C9orf40: variants seen among roughly 807,000 people sequenced by gnomAD.
C9orf40 encodes the protein chromosome 9 open reading frame 40, also known as uncharacterized protein C9orf40.
A neutral mutation model predicts 7.9 loss-of-function variants in C9orf40; 2 were observed. That is an observed-to-expected ratio of 0.25 (90% CI 0.10 to 0.80). The LOEUF (loss-of-function observed/expected upper bound fraction) is 0.80. Among genes scored for constraint, C9orf40 ranks in the 30% least tolerant of loss-of-function variants. The probability of loss-of-function intolerance (pLI) is 0.68; values close to 1 mark genes in which losing one functional copy is unlikely to be tolerated. For missense variants in C9orf40, 256 were observed against 268.5 expected (o/e 0.95, Z 0.33); for synonymous variants, 113 against 117.6 (o/e 0.96, Z 0.25).
intron 1 of C9orf40, among the ~76,000 whole-genome samples, chr9:74,951,985 C>T (rs559544051): frequency 6.6e-6 from 1 of 152,344 alleles, no homozygotes; most frequent in African/African-American, 2.4e-5. Flanking sequence ...TCCCCCTCGC[C>T]CAGCCCAGTG....
chr9:74,948,645 G>C (rs1240852888), intron 1 of C9orf40, among the ~76,000 whole-genome samples: 1 of 152,054 alleles, frequency 6.6e-6, no homozygotes, highest in Non-Finnish European at 1.5e-5. Flanking sequence ...CTTTACATAG[G>C]CCAAAATATT....
Position 74,952,782 on chromosome 9 carries a change from G to A in C9orf40, c.-171C>T. 1.8e-6 allele frequency: 1 copy of A among 560,718 alleles called. No homozygotes were observed. Among genetic ancestry groups the A allele is most frequent in the Non-Finnish European group, 3.0e-6 (1 of 334,384 alleles). The allele number at this position is 560,718 out of a possible 1,614,324, so 34.7% of individuals were successfully genotyped here. A position where few individuals can be genotyped will look rare whatever the true frequency, so the allele number is the denominator to read the frequency against. ...CGGGGCAGCTCGCGCAGGGCCTAGG[G>A]CTGGGGCTCCGGCTCGGAGGCAGCT... On this transcript the variant is annotated 5_prime_UTR_variant, in exon 1 of 2. Transcript: ENST00000376854. This position sits in a 1 kb window ranked among gnomAD's most constrained non-coding sequence, Gnocchi z 5.4.
Position 74,952,066 on chromosome 9 carries a change from C to T in C9orf40, c.426+120G>A. The T allele has an allele frequency of 2.5e-6, 1 of 403,014 alleles. No homozygotes were observed. Among genetic ancestry groups the T allele is most frequent in the East Asian group, 3.6e-5 (1 of 27,702 alleles). 25.0% of individuals were successfully genotyped at this position (403,014 alleles called of 1,614,324 possible). Reference sequence around the variant, plus strand: ...TCCTCTCCCGGAGCGGTGACCCCTTCTTTCAACCCCCTCAGGCGTCTTAAC... The same window carrying T: ...TCCTCTCCCGGAGCGGTGACCCCTTTTTTCAACCCCCTCAGGCGTCTTAAC... On this transcript the variant is annotated intron_variant, in intron 1 of 1. Coordinates refer to ENST00000376854, the MANE Select transcript of C9orf40 (RefSeq NM_017998.3). This position sits in a 1 kb window ranked among gnomAD's most constrained non-coding sequence, Gnocchi z 5.4.
At chr9:74,948,417 G>T (rs529087294) in intron 1 of C9orf40, among the ~76,000 whole-genome samples, 222 of 152,114 alleles carry the variant, frequency 1.5e-3, no homozygotes, top group Non-Finnish European at 2.8e-3. Flanking sequence ...TACAATTTGT[G>T]AAAGTATTTG....
rs886414458 is a variant in C9orf40, at chr9:74,947,382, GAA to G, written c.*664_*665del. 6.6e-6 allele frequency: 1 copy of G among 152,620 alleles called. No individual in the cohort carries two copies. The highest frequency in any genetic ancestry group is 1.5e-5 in the Non-Finnish European group (1 of 68,024). The allele number at this position is 152,620 out of a possible 1,614,324, so 9.5% of individuals were successfully genotyped here. ...AATAAATTTTTTCCTCTAATCCTGG[GAA>G]AACAGGGGGAAGCAGGCACCGATTC... On this transcript the variant is annotated 3_prime_UTR_variant, in exon 2 of 2. Transcript: ENST00000376854.
intron 1 of C9orf40, among the ~76,000 whole-genome samples, chr9:74,950,499 GT>G (rs948818612): frequency 1.8e-4 from 28 of 151,946 alleles, no homozygotes; most frequent in African/African-American, 6.8e-4. Context: ...TGGATGGATG[GT>G]TTAGAAGACT....
chr9:74,951,214 G>A (rs546579045), intron 1 of C9orf40, among the ~76,000 whole-genome samples: 1 of 152,022 alleles, frequency 6.6e-6, no homozygotes, highest in African/African-American at 2.4e-5. Context: ...GATGAGGCAG[G>A]CTCATGTCTT....
chr9:74,946,700 C>T lies in C9orf40; in HGVS notation c.*1348G>A, dbSNP rs781569926. ...GAAGTGGCAGTACAAGACTTTGAAC[C>T]ATGTCTGACCACAATGCAATACAGT... On this transcript the variant is annotated 3_prime_UTR_variant, in exon 2 of 2. Coordinates refer to ENST00000376854, the MANE Select transcript of C9orf40 (RefSeq NM_017998.3). 1 of 152,086 alleles carries T rather than the reference C, an allele frequency of 6.6e-6. No individual in the cohort carries two copies. The highest frequency in any genetic ancestry group is 1.5e-5 in the Non-Finnish European group (1 of 68,000). 9.4% of individuals were successfully genotyped at this position (152,086 alleles called of 1,614,324 possible). A position where few individuals can be genotyped will look rare whatever the true frequency, so the allele number is the denominator to read the frequency against.
chr9:74,952,127 T>C lies in C9orf40; in HGVS notation c.426+59A>G, dbSNP rs1411777039. On this transcript the variant is annotated intron_variant, in intron 1 of 1. Transcript: ENST00000376854. The surrounding 1 kb of genome is among the most constrained non-coding windows in gnomAD (Gnocchi z 5.4). ...CATGAGTGGGAACCGGGGCGTTTTG[T>C]GTGTGTGGGGAAAAGGCAAGCCCCT... 2 of 591,156 alleles carry C rather than the reference T, an allele frequency of 3.4e-6. No individual in the cohort carries two copies. Among genetic ancestry groups the C allele is most frequent in the African/African-American group, 3.8e-5 (2 of 52,418 alleles). The allele number at this position is 591,156 out of a possible 1,614,324, so 36.6% of individuals were successfully genotyped here.
At chr9:74,949,270 C>T (rs991699000) in intron 1 of C9orf40, among the ~76,000 whole-genome samples, 5 of 152,106 alleles carry the variant, frequency 3.3e-5, no homozygotes, top group African/African-American at 1.2e-4. Context: ...CATGATTACA[C>T]CTGTAATCCC....
intron 1 of C9orf40, among the ~76,000 whole-genome samples, chr9:74,949,405 T>C (rs1442311710): frequency 6.6e-6 from 1 of 152,054 alleles, no homozygotes; most frequent in Non-Finnish European, 1.5e-5. Flanking sequence ...CAGTTAACAC[T>C]GACAGAGCAG....
At chr9:74,948,285 T>TCTG in intron 1 of C9orf40, 79 bp from the exon 2 acceptor site, 4 of 977,958 alleles carry the variant, frequency 4.1e-6, no homozygotes, top group South Asian at 1.8e-5. Flanking sequence ...AAATTTGTTT[T>TCTG]AAAGGCAAAC....
chr9:74,948,037 G>A lies in C9orf40; in HGVS notation c.*11C>T, dbSNP rs374853709. 40 of 1,609,968 alleles carry A rather than the reference G, an allele frequency of 2.5e-5. No homozygotes were observed. The highest frequency in any genetic ancestry group is 2.4e-4 in the African/African-American group (18 of 74,818). On this transcript the variant is annotated 3_prime_UTR_variant, in exon 2 of 2. Coordinates refer to ENST00000376854, the MANE Select transcript of C9orf40 (RefSeq NM_017998.3). Reference sequence around the variant, plus strand: ...TCAAATCAGCCAATCCCACTGCTTCGGCTCCTTACATCAGGACTCCATGTC... The same window carrying A: ...TCAAATCAGCCAATCCCACTGCTTCAGCTCCTTACATCAGGACTCCATGTC...
At position 74,952,747 on chromosome 9, in the gene C9orf40, G is replaced by A. The variant is rs1019704884; in HGVS notation, c.-136C>T. 50 of 796,820 alleles carry A rather than the reference G, an allele frequency of 6.3e-5. No homozygotes were observed. The African/African-American group carries it at 8.4e-4, about 13-fold the overall frequency. The allele number at this position is 796,820 out of a possible 1,614,324, so 49.4% of individuals were successfully genotyped here. ...GGCGAGGAGGCGACAGGACGCTGGAGGGGGTAGGGCGGGGCAGCTCGCGCA... is the reference window on the plus strand; with the variant it reads ...GGCGAGGAGGCGACAGGACGCTGGAAGGGGTAGGGCGGGGCAGCTCGCGCA... On this transcript the variant is annotated 5_prime_UTR_variant, in exon 1 of 2. Coordinates refer to ENST00000376854, the MANE Select transcript of C9orf40 (RefSeq NM_017998.3). The surrounding 1 kb of genome is among the most constrained non-coding windows in gnomAD (Gnocchi z 5.4).
In C9orf40 at chr9:74,952,654, G is replaced by T. The variant is rs775333504; in HGVS notation, c.-43C>A. On this transcript the variant is annotated 5_prime_UTR_variant, in exon 1 of 2. Coordinates refer to ENST00000376854, the MANE Select transcript of C9orf40 (RefSeq NM_017998.3). The surrounding 1 kb of genome is among the most constrained non-coding windows in gnomAD (Gnocchi z 5.4). Reference sequence around the variant, plus strand: ...CGGAGCCCGCCAGGCGCGGGAGACCGAGTGCCGATAGCTGCGGGGGGCGAA... The same window carrying T: ...CGGAGCCCGCCAGGCGCGGGAGACCTAGTGCCGATAGCTGCGGGGGGCGAA... 16 of 1,493,424 alleles carry T rather than the reference G, an allele frequency of 1.1e-5. No homozygotes were observed. The highest frequency in any genetic ancestry group is 4.3e-5 in the Admixed American group (2 of 46,416). 92.5% of individuals were successfully genotyped at this position (1,493,424 alleles called of 1,614,324 possible).
intron 1 of C9orf40, among the ~76,000 whole-genome samples, chr9:74,950,873 G>T (rs1832287601): frequency 6.6e-6 from 1 of 152,118 alleles, no homozygotes; most frequent in African/African-American, 2.4e-5. Flanking sequence ...CCTAAGTCTA[G>T]ACCAAAGCTG....
At chr9:74,950,726 C>A (rs986977121) in intron 1 of C9orf40, among the ~76,000 whole-genome samples, 15 of 151,942 alleles carry the variant, frequency 9.9e-5, no homozygotes, top group Admixed American at 3.3e-4. Flanking sequence ...ACATAAGATA[C>A]TTGAGAAAAT....
chr9:74,952,177 A>AACAG lies in C9orf40; in HGVS notation c.426+8_426+9insCTGT. 9.5e-6 allele frequency: 1 copy of AACAG among 105,402 alleles called. No individual in the cohort carries two copies. The allele number at this position is 105,402 out of a possible 1,614,324, so 6.5% of individuals were successfully genotyped here. ...TTCGCCCCTCAGCCCACCCGCCCCC[A>AACAG]GCCCCTACCTGGCGCGATGCGACCC... On this transcript the variant is annotated intron_variant, in intron 1 of 1. Coordinates refer to ENST00000376854, the MANE Select transcript of C9orf40 (RefSeq NM_017998.3). This position sits in a 1 kb window ranked among gnomAD's most constrained non-coding sequence, Gnocchi z 5.4.
In C9orf40 at chr9:74,948,088, T is replaced by C. The variant is rs1832261069; in HGVS notation, c.545A>G (p.Gln182Arg). 6.2e-7 allele frequency: 1 copy of C among 1,614,078 alleles called. No homozygotes were observed. ...SEDTLTEATLQGRNEGAEVDM... is the reference protein window; with the variant it reads ...SEDTLTEATLRGRNEGAEVDM... ...AACCTCAGCCCCTTCATTCCTGCCC[T>C]GAAGTGTTGCTTCTGTCAGGGTGTC... Residue 182 changes from glutamine (Q) to arginine (R), a missense_variant, in exon 2 of 2, where the codon CAG becomes CGG. Gln to Arg is a conservative substitution (Grantham distance 43). Transcript: ENST00000376854.
Sources: gnomAD v4.1 joint callset for allele counts (sites outside exome capture counted in the v4.1 genomes callset) on GRCh38, gnomAD v4.1.1 for gene constraint, Gnocchi (gnomAD v3.1) non-coding constraint, MANE v1.5 for transcripts, NCBI Gene and HGNC (gene_info 2026-07-23, HGNC 2026-07-21) for gene names.